The following BRINP1 variants were observed in gnomAD, a reference collection of about 807,000 sequenced individuals.
BRINP1 encodes BMP/retinoic acid inducible neural specific 1, also known as BMP/retinoic acid-inducible neural-specific protein 1.
Under a neutral mutation model 72.9 loss-of-function variants are expected in BRINP1, and 17 were observed. That is an observed-to-expected ratio of 0.23 (90% CI 0.16 to 0.35). The LOEUF is 0.35. Ranked by LOEUF, BRINP1 falls within the 10% of genes least tolerant of loss-of-function variation. The pLI is 1.00. For missense variants in BRINP1, 850 were observed against 1,001.6 expected (o/e 0.85, Z 2.04); for synonymous variants, 418 against 378.5 (o/e 1.10, Z -1.21).
At chr9:119,284,750 C>T (rs1317953290) in intron 2 of BRINP1, among the ~76,000 whole-genome samples, 2 of 152,050 alleles carry the variant, frequency 1.3e-5, no homozygotes, top group Non-Finnish European at 2.9e-5. Context: ...TGTTTATCGC[C>T]CTGTAAATTC....
At chr9:119,212,221 A>ATGCAT (rs1333796722) in intron 6 of BRINP1, among the ~76,000 whole-genome samples, 6 of 152,144 alleles carry the variant, frequency 3.9e-5, no homozygotes, top group Non-Finnish European at 8.8e-5. Flanking sequence ...AGGATCCCTG[A>ATGCAT]TGCATTCTGG....
chr9:119,319,167 C>A (rs537358012), intron 1 of BRINP1, among the ~76,000 whole-genome samples: 1 of 152,156 alleles, frequency 6.6e-6, no homozygotes, highest in African/African-American at 2.4e-5. Context: ...CAGATCATAA[C>A]CTGAGTGGCA....
At chr9:119,252,111 G>T (rs530504709) in intron 2 of BRINP1, among the ~76,000 whole-genome samples, 1 of 151,782 alleles carries the variant, frequency 6.6e-6, no homozygotes, top group Non-Finnish European at 1.5e-5. Context: ...CCTCTCACTC[G>T]CTGCCATGCT....
chr9:119,190,747 T>C (rs570386551), intron 7 of BRINP1, among the ~76,000 whole-genome samples: 62 of 152,108 alleles, frequency 4.1e-4, no homozygotes, highest in Non-Finnish European at 8.0e-4. Context: ...TTACCAATAC[T>C]TCTTAAATTC....
At chr9:119,199,254 A>G (rs900180890) in intron 7 of BRINP1, among the ~76,000 whole-genome samples, 2 of 152,188 alleles carry the variant, frequency 1.3e-5, no homozygotes, top group Non-Finnish European at 2.9e-5. Context: ...GCAGGAGTCT[A>G]TGGAGATGAA....
intron 2 of BRINP1, chr9:119,283,290 A>C: frequency 1.6e-6 from 1 of 622,046 alleles, no homozygotes; most frequent in Non-Finnish European, 2.0e-6. Context: ...CAAAATCTCC[A>C]GCCCTGCCCC....
chr9:119,339,037 G>A (rs1831382108), intron 1 of BRINP1, among the ~76,000 whole-genome samples: 1 of 152,246 alleles, frequency 6.6e-6, no homozygotes, highest in Admixed American at 6.5e-5. Context: ...AATGAGAGGG[G>A]AAGATAAAAC....
chr9:119,240,184 G>A (rs762460624), intron 4 of BRINP1, among the ~76,000 whole-genome samples: 9 of 152,094 alleles, frequency 5.9e-5, no homozygotes, highest in Non-Finnish European at 1.2e-4. Flanking sequence ...CAGGAGAATC[G>A]CTTGAAACCG....
chr9:119,226,571 T>A (rs577544720), intron 5 of BRINP1, among the ~76,000 whole-genome samples: 2 of 152,118 alleles, frequency 1.3e-5, no homozygotes, highest in South Asian at 4.1e-4. Flanking sequence ...AGTCTTTAAG[T>A]TCCCTCCAGA....
At chr9:119,224,192 A>G (rs2118888620) in intron 5 of BRINP1, among the ~76,000 whole-genome samples, 1 of 152,194 alleles carries the variant, frequency 6.6e-6, no homozygotes, top group East Asian at 1.9e-4. Context: ...AAAGATTTAT[A>G]AATGTAAAAT....
chr9:119,275,005 T>C (rs1205965342), intron 2 of BRINP1, among the ~76,000 whole-genome samples: 4 of 152,172 alleles, frequency 2.6e-5, no homozygotes, highest in African/African-American at 9.7e-5. Context: ...TCTCCTTTTA[T>C]AAATTAAGAA....
intron 1 of BRINP1, among the ~76,000 whole-genome samples, chr9:119,325,893 A>G (rs1831235015): frequency 6.6e-6 from 1 of 152,090 alleles, no homozygotes; most frequent in Non-Finnish European, 1.5e-5. Flanking sequence ...AATTGCACCA[A>G]CTGAACACAC....
Position 119,368,974 on chromosome 9 carries a change from G to C in BRINP1, c.-51+82C>G, listed in dbSNP as rs1831725586. On this transcript the variant is annotated intron_variant, in intron 1 of 7. Coordinates refer to ENST00000265922, the MANE Select transcript of BRINP1 (RefSeq NM_014618.3). This position sits in a 1 kb window ranked among gnomAD's most constrained non-coding sequence, Gnocchi z 4.7. ...TGCCGGTAGGGGGAGGGGCAGAGGA[G>C]CGCGGGGACGCCCCGAATGCGGCCC... 2.6e-6 allele frequency: 1 copy of C among 390,854 alleles called. No individual in the cohort carries two copies. The highest frequency in any genetic ancestry group is 4.5e-6 in the Non-Finnish European group (1 of 221,592). 24.2% of individuals were successfully genotyped at this position (390,854 alleles called of 1,614,324 possible).
chr9:119,343,258 AC>A (rs1831421720), intron 1 of BRINP1, among the ~76,000 whole-genome samples: 3 of 152,186 alleles, frequency 2.0e-5, no homozygotes, highest in Admixed American at 2.0e-4. Flanking sequence ...CGCACTGCCT[AC>A]GGGGAATGAG....
chr9:119,294,763 G>A (rs1392566086), intron 2 of BRINP1, among the ~76,000 whole-genome samples: 2 of 146,388 alleles, frequency 1.4e-5, no homozygotes, highest in Non-Finnish European at 3.0e-5. Flanking sequence ...GTCTGAGGTA[G>A]GAGAATCACT....
chr9:119,192,048 C>G (rs1238677467), intron 7 of BRINP1, among the ~76,000 whole-genome samples: 1 of 151,854 alleles, frequency 6.6e-6, no homozygotes, highest in Non-Finnish European at 1.5e-5. Context: ...TAGATTTCCC[C>G]ATGCAGACTA....
At position 119,273,265 on chromosome 9, in the gene BRINP1, T is replaced by C. The variant is rs1015445994; in HGVS notation, c.219-24115A>G. On this transcript the variant is annotated intron_variant, in intron 2 of 7. Transcript: ENST00000265922. ...CCCTGGGCCTTGGATTCTCCATCTG[T>C]ACAATCAAAAGTTTGAATAATATCC... Among the ~76,000 whole-genome samples, 5 of 152,300 alleles carry C rather than the reference T, an allele frequency of 3.3e-5. No homozygotes were observed. In the East Asian group the frequency reaches 9.6e-4, roughly 29 times the overall value.
intron 5 of BRINP1, among the ~76,000 whole-genome samples, chr9:119,237,746 C>T (rs972371488): frequency 6.6e-6 from 1 of 152,034 alleles, no homozygotes; most frequent in Non-Finnish European, 1.5e-5. Context: ...ACTGCAATTT[C>T]GGCCTCCTGG....
At chr9:119,318,841 T>G (rs1457259352) in intron 1 of BRINP1, among the ~76,000 whole-genome samples, 4 of 114,814 alleles carry the variant, frequency 3.5e-5, no homozygotes, top group African/African-American at 1.3e-4. Context: ...GAGAAATGTG[T>G]GGGGTGTGTG....
Sources: gnomAD v4.1 joint callset for allele counts (sites outside exome capture counted in the v4.1 genomes callset) on GRCh38, gnomAD v4.1.1 for gene constraint, Gnocchi (gnomAD v3.1) non-coding constraint, MANE v1.5 for transcripts, NCBI Gene and HGNC (gene_info 2026-07-23, HGNC 2026-07-21) for gene names.